The following ZNF540 variants were observed in gnomAD, a reference collection of about 807,000 sequenced individuals.
The protein encoded by ZNF540 is zinc finger protein 540.
ZNF540 carries 3 observed loss-of-function variants against 11.8 expected under a neutral mutation model. The observed-to-expected ratio is 0.25, with a 90% CI of 0.12 to 0.65. ZNF540 has a LOEUF of 0.65. Among genes scored for constraint, ZNF540 ranks in the 30% least tolerant of loss-of-function variants. The pLI is 0.83. For synonymous variants in ZNF540, 247 were observed against 259.0 expected, an observed-to-expected ratio of 0.95 and a Z score of 0.45; for missense variants, 709 against 793.1, an observed-to-expected ratio of 0.89 and a Z score of 1.27.
chr19:37,566,772 AGC>A (rs2042876023), intron 1 of ZNF540, among the ~76,000 whole-genome samples: 1 of 152,188 alleles, frequency 6.6e-6, no homozygotes, highest in Non-Finnish European at 1.5e-5. Context: ...TTCATACAGC[AGC>A]CAGAGGAATT....
At chr19:37,578,428 C>T (rs1425542784) in intron 1 of ZNF540, among the ~76,000 whole-genome samples, 1 of 152,156 alleles carries the variant, frequency 6.6e-6, no homozygotes, top group East Asian at 1.9e-4. Context: ...ACAGGAGGAA[C>T]CCCCAACTCC....
chr19:37,611,497 T>G lies in ZNF540; in HGVS notation c.233-16T>G. On this transcript the variant is annotated splice_polypyrimidine_tract_variant and intron_variant, in intron 4 of 4. Transcript: ENST00000316433. The stretch of plus-strand genomic sequence containing the variant: ...ACAGGAAAATAATTTTTGTTTGCTT[T>G]TATGTTTTCTTTCAGGTTTGTTATC... 1 of 1,554,024 alleles carries G rather than the reference T, an allele frequency of 6.4e-7. No individual in the cohort carries two copies. Among genetic ancestry groups the G allele is most frequent in the Non-Finnish European group, 8.7e-7 (1 of 1,155,240 alleles).
intron 1 of ZNF540, among the ~76,000 whole-genome samples, chr19:37,560,183 C>G (rs544997014): frequency 3.4e-5 from 5 of 147,056 alleles, no homozygotes; most frequent in Admixed American, 2.1e-4. Flanking sequence ...GAGGCTGAGG[C>G]AGGAGAATTG....
At chr19:37,586,695 A>C (rs757532755) in intron 1 of ZNF540, 1 of 1,614,052 alleles carries the variant, frequency 6.2e-7, no homozygotes, top group African/African-American at 1.3e-5. Context: ...AGAACTGATC[A>C]ATTTTCTGGG....
intron 1 of ZNF540, among the ~76,000 whole-genome samples, chr19:37,578,596 G>A (rs1399516201): frequency 6.6e-6 from 1 of 152,152 alleles, no homozygotes; most frequent in South Asian, 2.1e-4. Flanking sequence ...GCTGAGGGGC[G>A]GTCAGAATGC....
intron 1 of ZNF540, chr19:37,586,418 T>C: frequency 1.9e-6 from 1 of 536,478 alleles, no homozygotes. Context: ...CCCTCAGAGC[T>C]CTGGGCAGAA....
At chr19:37,580,626 C>T (rs550766896) in intron 1 of ZNF540, among the ~76,000 whole-genome samples, 2 of 152,230 alleles carry the variant, frequency 1.3e-5, no homozygotes, top group East Asian at 1.9e-4. Context: ...GGCTGGTCCC[C>T]GAGAACAGAT....
At chr19:37,561,026 A>T (rs2042709980) in intron 1 of ZNF540, among the ~76,000 whole-genome samples, 1 of 149,958 alleles carries the variant, frequency 6.7e-6, no homozygotes, top group Admixed American at 6.6e-5. Flanking sequence ...AGCCTGGGCA[A>T]CAAAATAAGA....
chr19:37,567,184 C>G (rs1056919285), intron 1 of ZNF540, among the ~76,000 whole-genome samples: 12 of 152,174 alleles, frequency 7.9e-5, no homozygotes, highest in African/African-American at 2.7e-4. Flanking sequence ...AATGGATATA[C>G]CATTTCTAAA....
At position 37,611,709 on chromosome 19, in the gene ZNF540, A is replaced by T. The variant is rs779576072; in HGVS notation, c.429A>T (p.Lys143Asn). The change falls in exon 5 of 5, where the codon AAA becomes AAT. Residue 143 changes from lysine to asparagine, a missense_variant. Physicochemically the swap from Lys to Asn is moderately conservative, Grantham distance 94 (BLOSUM62 0). Coordinates refer to ENST00000316433, the MANE Select transcript of ZNF540 (RefSeq NM_001172225.3). Reference protein sequence around the residue: ...GLKERSISQKKIVSKKMSTDR... With the variant: ...GLKERSISQKNIVSKKMSTDR... ...AAGAAAGATCTATCAGTCAAAAGAA[A>T]ATCGTCTCTAAAAAAATGTCAACTG... The T allele has an allele frequency of 4.0e-5, 65 of 1,613,778 alleles. No homozygotes were observed. In the South Asian group the frequency reaches 5.8e-4, roughly 14 times the overall value.
upstream of ZNF540, among the ~76,000 whole-genome samples, chr19:37,593,126 T>G (rs547351282): frequency 7.0e-6 from 1 of 143,028 alleles, no homozygotes; most frequent in Non-Finnish European, 1.5e-5. Context: ...TTATTGTTAG[T>G]TTTTTTTTTT....
chr19:37,612,584 G>T lies in ZNF540; in HGVS notation c.1304G>T (p.Gly435Val), dbSNP rs377668016. Residue 435 changes from glycine to valine, a missense_variant, in exon 5 of 5, where the codon GGA becomes GTA. By Grantham distance (109) the Gly-to-Val change is moderately radical. Transcript: ENST00000316433. ...AGAGTACATTCTAGAATTCATACTGGAGAGAAACCATATGAATGTAAGGAA... is the reference window on the plus strand; with the variant it reads ...AGAGTACATTCTAGAATTCATACTGTAGAGAAACCATATGAATGTAAGGAA... ...DLRVHSRIHT[G>V]EKPYECKECG... 8 of 1,613,994 alleles carry T rather than the reference G, an allele frequency of 5.0e-6. No homozygotes were observed. Among genetic ancestry groups the T allele is most frequent in the Admixed American group, 1.7e-5 (1 of 59,996 alleles).
chr19:37,597,105 T>A (rs993636293), intron 1 of ZNF540, among the ~76,000 whole-genome samples: 1 of 152,144 alleles, frequency 6.6e-6, no homozygotes, highest in Non-Finnish European at 1.5e-5. Context: ...AATAATGACA[T>A]TGTAGAACTG....
At chr19:37,577,521 G>A (rs2043284197) in intron 1 of ZNF540, among the ~76,000 whole-genome samples, 1 of 152,116 alleles carries the variant, frequency 6.6e-6, no homozygotes. Context: ...GACAAAAAAA[G>A]CAAAGCTAAT....
Position 37,612,092 on chromosome 19 carries a change from A to G in ZNF540, c.812A>G (p.Tyr271Cys), listed in dbSNP as rs777808056. ...AAAATTCACACTGGTAAAAAACCCT[A>G]TATGTGTAAGAAATGTGATAAGGGT... is the stretch of plus-strand genomic sequence containing the variant. Reference protein sequence around the residue: ...HQKIHTGKKPYMCKKCDKGFF... With the variant: ...HQKIHTGKKPCMCKKCDKGFF... The change falls in exon 5 of 5, where the codon TAT (tyrosine) becomes TGT (cysteine). Residue 271 changes from tyrosine (Y) to cysteine (C), a missense_variant. Transcript: ENST00000316433. 2.5e-5 allele frequency: 40 copies of G among 1,611,724 alleles called. 1 individual carries two copies. The highest frequency in any genetic ancestry group is 1.8e-4 in the Admixed American group (11 of 59,780).
intron 1 of ZNF540, among the ~76,000 whole-genome samples, chr19:37,552,276 C>T: frequency 6.6e-6 from 1 of 152,134 alleles, no homozygotes. Flanking sequence ...AATATATTGA[C>T]AATTTATGGC....
At chr19:37,574,745 A>G (rs2043185847) in intron 1 of ZNF540, among the ~76,000 whole-genome samples, 1 of 152,198 alleles carries the variant, frequency 6.6e-6, no homozygotes, top group African/African-American at 2.4e-5. Flanking sequence ...TGATAGTTTC[A>G]ATAACCATCT....
At chr19:37,586,495 A>T in intron 1 of ZNF540, 1 of 678,780 alleles carries the variant, frequency 1.5e-6, no homozygotes, top group East Asian at 2.7e-5. Context: ...TGGAGAGGGG[A>T]AAAGCATTGA....
intron 1 of ZNF540, chr19:37,565,203 G>A (rs1276169151): frequency 6.2e-7 from 1 of 1,613,600 alleles, no homozygotes; most frequent in South Asian, 1.1e-5. Context: ...ATTCTTTGAT[G>A]TTGAATAAGA....
Sources: allele counts gnomAD v4.1 joint callset (sites outside exome capture counted in the v4.1 genomes callset), GRCh38; gene constraint gnomAD v4.1.1; transcripts MANE v1.5; gene names NCBI Gene and HGNC (gene_info 2026-07-23, HGNC 2026-07-21).